The following ASB13 variants were observed in gnomAD, a reference collection of about 807,000 sequenced individuals.
ASB13 encodes ankyrin repeat and SOCS box containing 13.
In ASB13, 33 loss-of-function variants were observed where a neutral mutation model predicts 28.8. The observed-to-expected ratio is 1.15, with a 90% CI of 0.87 to 1.53. The LOEUF is 1.53. ASB13 is among the 40% of genes most tolerant of loss of function. ASB13 has a pLI of 0.00. For missense variants in ASB13, 414 were observed against 390.1 expected (o/e 1.06, Z -0.52); for synonymous variants, 182 against 172.9 (o/e 1.05, Z -0.41).
At position 5,642,620 on chromosome 10, in the gene ASB13, A is replaced by G; in HGVS notation, c.518-659T>C. 1.3e-6 allele frequency: 1 copy of G among 746,150 alleles called. No individual in the cohort carries two copies. Among genetic ancestry groups the G allele is most frequent in the Non-Finnish European group, 1.9e-6 (1 of 528,360 alleles). The allele number at this position is 746,150 out of a possible 1,614,324, so 46.2% of individuals were successfully genotyped here. Reference sequence around the variant, plus strand: ...AAAGAGCAGACATTCAGAAAGATGCAAGGAATTAGTAGCTAAATATGGCTG... The same window carrying G: ...AAAGAGCAGACATTCAGAAAGATGCGAGGAATTAGTAGCTAAATATGGCTG... On this transcript the variant is annotated intron_variant, in intron 4 of 5. Transcript: ENST00000357700. This position sits in a 1 kb window ranked among gnomAD's most constrained non-coding sequence, Gnocchi z 4.1.
Position 5,640,579 on chromosome 10 carries a change from AG to A in ASB13, c.*123del. 1.8e-5 allele frequency: 22 copies of A among 1,242,872 alleles called. No homozygotes were observed. The highest frequency in any genetic ancestry group is 2.5e-5 in the Non-Finnish European group (22 of 880,868). The allele number at this position is 1,242,872 out of a possible 1,614,324, so 77.0% of individuals were successfully genotyped here. On this transcript the variant is annotated 3_prime_UTR_variant, in exon 6 of 6. Coordinates refer to ENST00000357700, the MANE Select transcript of ASB13 (RefSeq NM_024701.4). ...GAGAAGCCTAAACAGGATCGCAGGAAGGGACTCGAAGGAGCGTTGTTCTATC... is the reference window on the plus strand; with the variant it reads ...GAGAAGCCTAAACAGGATCGCAGGAAGGACTCGAAGGAGCGTTGTTCTATC...
At position 5,651,475 on chromosome 10, in the gene ASB13, G is replaced by A. The variant is rs1834983931; in HGVS notation, c.232-112C>T. ...AGATGCTTCTTAGAAGCACCGGTTT[G>A]CTTTGCTATTATGTGCTAGGCAACG... On this transcript the variant is annotated intron_variant, in intron 2 of 5. Coordinates refer to ENST00000357700, the MANE Select transcript of ASB13 (RefSeq NM_024701.4). The surrounding 1 kb of genome is among the most constrained non-coding windows in gnomAD (Gnocchi z 5.1). 7.9e-7 allele frequency: 1 copy of A among 1,271,714 alleles called. No individual in the cohort carries two copies. The highest frequency in any genetic ancestry group is 2.6e-5 in the East Asian group (1 of 37,918). 78.8% of individuals were successfully genotyped at this position (1,271,714 alleles called of 1,614,324 possible). A position where few individuals can be genotyped will look rare whatever the true frequency, so the allele number is the denominator to read the frequency against.
In ASB13 at chr10:5,658,586, G is replaced by A. The variant is rs1373144687; in HGVS notation, c.44-5536C>T. Among the ~76,000 whole-genome samples the A allele has an allele frequency of 2.0e-5, 3 of 152,104 alleles. No homozygotes were observed. The highest frequency in any genetic ancestry group is 6.5e-5 in the Admixed American group (1 of 15,272). On this transcript the variant is annotated intron_variant, in intron 1 of 5. Transcript: ENST00000357700. The surrounding 1 kb of genome is among the most constrained non-coding windows in gnomAD (Gnocchi z 4.2). Reference sequence around the variant, plus strand: ...GAGAAATGGGGAGTTAGTGTTTCATGGGGACAGAATTTCAGTTTTACAGGA... The same window carrying A: ...GAGAAATGGGGAGTTAGTGTTTCATAGGGACAGAATTTCAGTTTTACAGGA...
intron 1 of ASB13, among the ~76,000 whole-genome samples, chr10:5,657,633 T>C (rs1456274073): frequency 2.6e-5 from 4 of 152,218 alleles, no homozygotes; most frequent in African/African-American, 9.6e-5. Context: ...AAATGAAACA[T>C]AGGATATCAT....
chr10:5,651,664 T>G lies in ASB13; in HGVS notation c.232-301A>C. ...AGCACAGAGCAGGACAGGGGAACCC[T>G]AGGCTGCAAGCTGGGAAAGGCAGGC... On this transcript the variant is annotated intron_variant, in intron 2 of 5. Coordinates refer to ENST00000357700, the MANE Select transcript of ASB13 (RefSeq NM_024701.4). This position sits in a 1 kb window ranked among gnomAD's most constrained non-coding sequence, Gnocchi z 5.1. 3.9e-6 allele frequency: 1 copy of G among 256,210 alleles called. No individual in the cohort carries two copies. Among genetic ancestry groups the G allele is most frequent in the East Asian group, 8.2e-5 (1 of 12,140 alleles). 15.9% of individuals were successfully genotyped at this position (256,210 alleles called of 1,614,324 possible). A position where few individuals can be genotyped will look rare whatever the true frequency, so the allele number is the denominator to read the frequency against.
At position 5,640,607 on chromosome 10, in the gene ASB13, A is replaced by G. The variant is rs558480958; in HGVS notation, c.*96T>C. ...GACTCGAAGGAGCGTTGTTCTATCT[A>G]CAGCAATCACGCTGCTTCAGAGGAA... On this transcript the variant is annotated 3_prime_UTR_variant, in exon 6 of 6. Coordinates refer to ENST00000357700, the MANE Select transcript of ASB13 (RefSeq NM_024701.4). 1.8e-4 allele frequency: 263 copies of G among 1,494,702 alleles called. No individual in the cohort carries two copies. The highest frequency in any genetic ancestry group is 2.3e-4 in the Non-Finnish European group (251 of 1,082,278). 92.6% of individuals were successfully genotyped at this position (1,494,702 alleles called of 1,614,324 possible). A position where few individuals can be genotyped will look rare whatever the true frequency, so the allele number is the denominator to read the frequency against.
rs995652412 is a variant in ASB13, at chr10:5,658,443, C to A, written c.44-5393G>T. Reference sequence around the variant, plus strand: ...CTGAAAAAAAAAAAAAAAACAAAACCAAATAAGCCATTTCTGAAAAGCCAA... The same window carrying A: ...CTGAAAAAAAAAAAAAAAACAAAACAAAATAAGCCATTTCTGAAAAGCCAA... On this transcript the variant is annotated intron_variant, in intron 1 of 5. Coordinates refer to ENST00000357700, the MANE Select transcript of ASB13 (RefSeq NM_024701.4). The surrounding 1 kb of genome is among the most constrained non-coding windows in gnomAD (Gnocchi z 4.2). Among the ~76,000 whole-genome samples, 11 of 151,036 alleles carry A rather than the reference C, an allele frequency of 7.3e-5. No individual in the cohort carries two copies. Among genetic ancestry groups the A allele is most frequent in the African/African-American group, 2.2e-4 (9 of 41,190 alleles).
In ASB13 at chr10:5,664,094, C is replaced by T. The variant is rs796627807; in HGVS notation, c.43+2415G>A. Reference sequence around the variant, plus strand: ...AGAGCAGGCTGGTGCAGTGGCTAACCAGGATACAGAAGGCGGGCTTGGCAC... The same window carrying T: ...AGAGCAGGCTGGTGCAGTGGCTAACTAGGATACAGAAGGCGGGCTTGGCAC... On this transcript the variant is annotated intron_variant, in intron 1 of 5. Transcript: ENST00000357700. This position sits in a 1 kb window ranked among gnomAD's most constrained non-coding sequence, Gnocchi z 4.2. 3.3e-5 allele frequency among the ~76,000 whole-genome samples: 5 copies of T among 152,216 alleles called. No homozygotes were observed. Among genetic ancestry groups the T allele is most frequent in the African/African-American group, 9.6e-5 (4 of 41,514 alleles).
chr10:5,652,026 CCACACACACACACACA>C lies in ASB13; in HGVS notation c.232-679_232-664del, dbSNP rs5782851. Among the ~76,000 whole-genome samples, 1,288 of 59,344 alleles carry C rather than the reference CCACACACACACACACA, an allele frequency of 0.022. 55 individuals carry two copies. Among genetic ancestry groups the C allele is most frequent in the African/African-American group, 0.084 (1,187 of 14,148 alleles). 38.9% of individuals were successfully genotyped at this position (59,344 alleles called of 152,430 possible). A position where few individuals can be genotyped will look rare whatever the true frequency, so the allele number is the denominator to read the frequency against. ...CAAAAAAAAAAAAAAAAAAAAAAAA[CCACACACACACACACA>C]CACACACACACACACACACAAAACT... On this transcript the variant is annotated intron_variant, in intron 2 of 5. Transcript: ENST00000357700. The surrounding 1 kb of genome is among the most constrained non-coding windows in gnomAD (Gnocchi z 5.0).
In ASB13 at chr10:5,664,431, C is replaced by T. The variant is rs9423880; in HGVS notation, c.43+2078G>A. Among the ~76,000 whole-genome samples the T allele has an allele frequency of 0.23, 34,592 of 152,040 alleles. 4,122 individuals are homozygous for T. The highest frequency in any genetic ancestry group is 0.38 in the Middle Eastern group (111 of 294). ...CCCACAGGTAAACAAAAAGAACACC[C>T]GCCATGTCCAAGAAAAGCAAGACAT... is the stretch of plus-strand genomic sequence containing the variant. On this transcript the variant is annotated intron_variant, in intron 1 of 5. Coordinates refer to ENST00000357700, the MANE Select transcript of ASB13 (RefSeq NM_024701.4). This position sits in a 1 kb window ranked among gnomAD's most constrained non-coding sequence, Gnocchi z 4.2.
At chr10:5,648,760 A>T (rs960840467) in intron 4 of ASB13, among the ~76,000 whole-genome samples, 1 of 139,290 alleles carries the variant, frequency 7.2e-6, no homozygotes, top group Admixed American at 7.1e-5. Context: ...ACACCCACTC[A>T]GGCAAACACC....
chr10:5,652,084 G>T lies in ASB13; in HGVS notation c.232-721C>A, dbSNP rs75908711. 7.1e-6 allele frequency among the ~76,000 whole-genome samples: 1 copy of T among 141,102 alleles called. No homozygotes were observed. Among genetic ancestry groups the T allele is most frequent in the African/African-American group, 2.7e-5 (1 of 36,838 alleles). 92.6% of individuals were successfully genotyped at this position (141,102 alleles called of 152,430 possible). A position where few individuals can be genotyped will look rare whatever the true frequency, so the allele number is the denominator to read the frequency against. On this transcript the variant is annotated intron_variant, in intron 2 of 5. Transcript: ENST00000357700. The surrounding 1 kb of genome is among the most constrained non-coding windows in gnomAD (Gnocchi z 5.0). ...CACAAAACTCTAACCTCAATGGAAGGAATGCCTGAGACAGCTTACCACGCC... is the reference window on the plus strand; with the variant it reads ...CACAAAACTCTAACCTCAATGGAAGTAATGCCTGAGACAGCTTACCACGCC...
rs1027942596 is a variant in ASB13 at position 5,644,365 on chromosome 10, A to G, written c.518-2404T>C. 2.6e-5 allele frequency among the ~76,000 whole-genome samples: 4 copies of G among 152,130 alleles called. No homozygotes were observed. Among genetic ancestry groups the G allele is most frequent in the Non-Finnish European group, 5.9e-5 (4 of 68,038 alleles). ...AAAATTACCCGGGGGGCGTGATGGC[A>G]CACATCTGTGGTCCCACCTACTCTG... On this transcript the variant is annotated intron_variant, in intron 4 of 5. Coordinates refer to ENST00000357700, the MANE Select transcript of ASB13 (RefSeq NM_024701.4). The surrounding 1 kb of genome is among the most constrained non-coding windows in gnomAD (Gnocchi z 5.1).
At position 5,658,420 on chromosome 10, in the gene ASB13, G is replaced by GA. The variant is rs140151394; in HGVS notation, c.44-5371dup. Among the ~76,000 whole-genome samples the GA allele has an allele frequency of 1.8e-3, 236 of 131,576 alleles. No homozygotes were observed. The highest frequency in any genetic ancestry group is 3.5e-3 in the South Asian group (14 of 4,016). 86.3% of individuals were successfully genotyped at this position (131,576 alleles called of 152,430 possible). On this transcript the variant is annotated intron_variant, in intron 1 of 5. Coordinates refer to ENST00000357700, the MANE Select transcript of ASB13 (RefSeq NM_024701.4). This position sits in a 1 kb window ranked among gnomAD's most constrained non-coding sequence, Gnocchi z 4.2. ...CACTACGGCCTGGGTGACTTTGTCT[G>GA]AAAAAAAAAAAAAAAACAAAACCAA...
chr10:5,648,475 T>C (rs61832716), intron 4 of ASB13, among the ~76,000 whole-genome samples: 15,429 of 106,990 alleles, frequency 0.14, 1,587 homozygotes, highest in Middle Eastern at 0.2. Flanking sequence ...CCCACTCAGG[T>C]AAACACCCAC....
chr10:5,650,785 C>A lies in ASB13; in HGVS notation c.382+428G>T, dbSNP rs1834971682. ...GATGAGGTCCCACCTGCTCCCTGAGCCTGCAGGACCAGCACTGTTTTGAGA... is the reference window on the plus strand; with the variant it reads ...GATGAGGTCCCACCTGCTCCCTGAGACTGCAGGACCAGCACTGTTTTGAGA... On this transcript the variant is annotated intron_variant, in intron 3 of 5. Transcript: ENST00000357700. This position sits in a 1 kb window ranked among gnomAD's most constrained non-coding sequence, Gnocchi z 6.0. Among the ~76,000 whole-genome samples the A allele has an allele frequency of 6.6e-6, 1 of 152,232 alleles. No homozygotes were observed. Among genetic ancestry groups the A allele is most frequent in the Non-Finnish European group, 1.5e-5 (1 of 68,040 alleles).
At chr10:5,648,759 CAGGCAAACACCCACTG>C (rs1448543864) in intron 4 of ASB13, among the ~76,000 whole-genome samples, 195 bp downstream of exon 4, 18 of 147,744 alleles carry the variant, frequency 1.2e-4, no homozygotes, top group South Asian at 2.1e-4. Flanking sequence ...AACACCCACT[CAGGCAAACACCCACTG>C]GGGTAAACAC....
rs944649465 is a variant in ASB13 at position 5,664,956 on chromosome 10, G to A, written c.43+1553C>T. Among the ~76,000 whole-genome samples the A allele has an allele frequency of 2.9e-4, 44 of 151,990 alleles. No homozygotes were observed. The highest frequency in any genetic ancestry group is 3.4e-3 in the Middle Eastern group (1 of 294). On this transcript the variant is annotated intron_variant, in intron 1 of 5. Coordinates refer to ENST00000357700, the MANE Select transcript of ASB13 (RefSeq NM_024701.4). The surrounding 1 kb of genome is among the most constrained non-coding windows in gnomAD (Gnocchi z 4.2). ...ACTGCAACCTCTGCCTTCCAGGTTCGAGTGATTCTTCTGCCTCAGTCTCCC... is the reference window on the plus strand; with the variant it reads ...ACTGCAACCTCTGCCTTCCAGGTTCAAGTGATTCTTCTGCCTCAGTCTCCC...
rs7899908 is a variant in ASB13, at chr10:5,644,510, A to C, written c.518-2549T>G. On this transcript the variant is annotated intron_variant, in intron 4 of 5. Transcript: ENST00000357700. The surrounding 1 kb of genome is among the most constrained non-coding windows in gnomAD (Gnocchi z 5.1). Reference sequence around the variant, plus strand: ...GGCCCATAGTGAGAAAGAGAACATAAACAGGTACTCGTTAGAGGAAAACAG... The same window carrying C: ...GGCCCATAGTGAGAAAGAGAACATACACAGGTACTCGTTAGAGGAAAACAG... Among the ~76,000 whole-genome samples, 2 of 149,526 alleles carry C rather than the reference A, an allele frequency of 1.3e-5. No homozygotes were observed. The highest frequency in any genetic ancestry group is 3.0e-5 in the Non-Finnish European group (2 of 67,208).
Sources: gnomAD v4.1 joint callset for allele counts (sites outside exome capture counted in the v4.1 genomes callset) on GRCh38, gnomAD v4.1.1 for gene constraint, Gnocchi (gnomAD v3.1) non-coding constraint, MANE v1.5 for transcripts, NCBI Gene and HGNC (gene_info 2026-07-23, HGNC 2026-07-21) for gene names.